The following LRP1B variants were observed in gnomAD, a reference collection of about 807,000 sequenced individuals.
LRP1B encodes low-density lipoprotein receptor-related protein 1B.
LRP1B carries 217 observed loss-of-function variants against 556.6 expected under a neutral mutation model. That is an observed-to-expected ratio of 0.39 (90% confidence interval 0.35 to 0.44). The LOEUF (loss-of-function observed/expected upper bound fraction) is 0.44, where lower values mean the gene tolerates loss of function less well. Among genes scored for constraint, LRP1B ranks in the 20% least tolerant of loss-of-function variants. The pLI is 1.00. For synonymous variants in LRP1B, 2,047 were observed against 1,865.8 expected, an observed-to-expected ratio of 1.10 and a Z score of -2.50; for missense variants, 5,053 against 5,620.8, an observed-to-expected ratio of 0.90 and a Z score of 3.23.
chr2:140,389,984 G>A lies in LRP1B; in HGVS notation c.10415-3975C>T, dbSNP rs569424084. The stretch of plus-strand genomic sequence containing the variant: ...TCTCTACTAAAAAACATGAAAATTA[G>A]CCAGGTGTGGTGGCATGTGCCTGCA... On this transcript the variant is annotated intron_variant, in intron 66 of 90. Transcript: ENST00000389484. 2.6e-5 allele frequency among the ~76,000 whole-genome samples: 4 copies of A among 152,016 alleles called. No homozygotes were observed. In the East Asian group the frequency reaches 7.8e-4, roughly 29 times the overall value.
chr2:141,216,312 C>T (rs1255749267), intron 6 of LRP1B, among the ~76,000 whole-genome samples: 1 of 152,222 alleles, frequency 6.6e-6, no homozygotes, highest in Non-Finnish European at 1.5e-5. Flanking sequence ...CCCACACTTG[C>T]AGAGAGTATA....
intron 3 of LRP1B, among the ~76,000 whole-genome samples, chr2:141,330,349 T>C (rs1419866968): frequency 1.0e-5 from 1 of 95,956 alleles, no homozygotes; most frequent in African/African-American, 5.0e-5. Flanking sequence ...CGATCTCACA[T>C]GTTAACAACT....
intron 2 of LRP1B, among the ~76,000 whole-genome samples, chr2:141,780,613 C>A (rs940008466): frequency 1.3e-5 from 2 of 152,132 alleles, no homozygotes; most frequent in Admixed American, 6.6e-5. Context: ...CTTGGAAGAG[C>A]TACACACAGC....
chr2:142,030,511 G>A (rs1402722272), intron 1 of LRP1B, among the ~76,000 whole-genome samples: 1 of 151,890 alleles, frequency 6.6e-6, no homozygotes, highest in South Asian at 2.1e-4. Context: ...ATGAAAATGA[G>A]ATAGCTGATA....
rs533014394 is a variant in LRP1B, at chr2:140,244,975, A to G, written c.13324+2111T>C. On this transcript the variant is annotated intron_variant, in intron 87 of 90. Transcript: ENST00000389484. ...TTTCATGGGAAAGGTCAGTTTAACTACCTTTTCCCTTCTTTCAGAGCTACT... is the reference window on the plus strand; with the variant it reads ...TTTCATGGGAAAGGTCAGTTTAACTGCCTTTTCCCTTCTTTCAGAGCTACT... Among the ~76,000 whole-genome samples the G allele has an allele frequency of 2.9e-3, 441 of 151,436 alleles. 1 individual carries two copies. The highest frequency in any genetic ancestry group is 0.01 in the African/African-American group (432 of 41,418).
At chr2:142,084,417 A>G (rs945404937) in intron 1 of LRP1B, among the ~76,000 whole-genome samples, 1 of 151,864 alleles carries the variant, frequency 6.6e-6, no homozygotes, top group African/African-American at 2.4e-5. Context: ...CTAGGTCTCC[A>G]CTCTTAATCA....
intron 63 of LRP1B, among the ~76,000 whole-genome samples, chr2:140,447,499 A>G (rs1443715922): frequency 1.3e-5 from 2 of 152,130 alleles, no homozygotes; most frequent in African/African-American, 2.4e-5. Context: ...ACAAAATTAA[A>G]TAAGAGTTAG....
chr2:141,337,802 T>A (rs963941379), intron 3 of LRP1B, among the ~76,000 whole-genome samples: 1 of 152,232 alleles, frequency 6.6e-6, no homozygotes, highest in African/African-American at 2.4e-5. Context: ...ACTTCAAGAA[T>A]GTTTATAATT....
intron 3 of LRP1B, among the ~76,000 whole-genome samples, chr2:141,442,422 ATTC>A (rs1427808849): frequency 3.2e-5 from 4 of 123,376 alleles, no homozygotes; most frequent in African/African-American, 1.3e-4. Context: ...ATCTTCACAC[ATTC>A]TTTTTTTTTT....
Position 141,898,119 on chromosome 2 carries a change from G to C in LRP1B, c.83-87718C>G, listed in dbSNP as rs557201685. 2.0e-5 allele frequency among the ~76,000 whole-genome samples: 3 copies of C among 152,222 alleles called. No individual in the cohort carries two copies. The East Asian group carries it at 5.8e-4, about 29-fold the overall frequency. ...TGCTTTCTCTCTTTCATTTCCACAT[G>C]ACACAAGTAGGATTTGTTCCCTTCT... is the stretch of plus-strand genomic sequence containing the variant. On this transcript the variant is annotated intron_variant, in intron 1 of 90. Transcript: ENST00000389484.
chr2:141,257,744 T>C (rs1684529756), intron 3 of LRP1B, among the ~76,000 whole-genome samples: 1 of 152,122 alleles, frequency 6.6e-6, no homozygotes, highest in Non-Finnish European at 1.5e-5. Context: ...TTAGGTGAAA[T>C]GGTAAATATT....
In LRP1B at chr2:140,442,512, G is replaced by A. The variant is rs1377112233; in HGVS notation, c.10406C>T (p.Ala3469Val). ...GAGTCACAGACACTCACCGCAGTTG[G>A]CCTCGTCTGATGCATCTGCACAGTC... ...DPDCADASDE[A>V]NCDKKTCGPH... The change falls in exon 66 of 91, where the codon GCC becomes GTC. Residue 3469 changes from alanine to valine, a missense_variant. By Grantham distance (64) the Ala-to-Val change is moderately conservative (BLOSUM62 0). Transcript: ENST00000389484. 1 of 1,612,378 alleles carries A rather than the reference G, an allele frequency of 6.2e-7. No homozygotes were observed. The highest frequency in any genetic ancestry group is 8.5e-7 in the Non-Finnish European group (1 of 1,179,260).
chr2:141,489,198 G>C (rs930922125), intron 2 of LRP1B, among the ~76,000 whole-genome samples: 2 of 144,188 alleles, frequency 1.4e-5, no homozygotes, highest in Non-Finnish European at 3.0e-5. Context: ...ACATTGCTCA[G>C]ACTGGTCTCA....
At chr2:141,149,532 C>T (rs1023074110) in intron 7 of LRP1B, among the ~76,000 whole-genome samples, 2 of 152,084 alleles carry the variant, frequency 1.3e-5, no homozygotes, top group Admixed American at 6.5e-5. Context: ...TCTTGTATTT[C>T]TATTCTACAA....
chr2:140,762,675 A>C (rs979907116), intron 35 of LRP1B, among the ~76,000 whole-genome samples: 2 of 152,114 alleles, frequency 1.3e-5, no homozygotes, highest in East Asian at 3.8e-4. Context: ...CCTTAGATAA[A>C]AATAAGGCCA....
intron 1 of LRP1B, among the ~76,000 whole-genome samples, chr2:141,995,152 C>T (rs890534969): frequency 6.6e-6 from 1 of 151,994 alleles, no homozygotes; most frequent in African/African-American, 2.4e-5. Flanking sequence ...AAACTTAGTG[C>T]ATTCAAGCAA....
intron 7 of LRP1B, among the ~76,000 whole-genome samples, chr2:141,174,480 G>A (rs1680649194): frequency 6.6e-6 from 1 of 152,022 alleles, no homozygotes; most frequent in Non-Finnish European, 1.5e-5. Flanking sequence ...ATGAAAGTAA[G>A]TTTTCATGAG....
chr2:140,369,674 A>AC (rs1682907821), intron 71 of LRP1B, among the ~76,000 whole-genome samples: 1 of 151,922 alleles, frequency 6.6e-6, no homozygotes, highest in Non-Finnish European at 1.5e-5. Flanking sequence ...AAAAAAAAAA[A>AC]ACTATTTTTT....
At chr2:141,080,293 G>T (rs1399399693) in intron 7 of LRP1B, among the ~76,000 whole-genome samples, 1 of 152,170 alleles carries the variant, frequency 6.6e-6, no homozygotes, top group East Asian at 1.9e-4. Flanking sequence ...GAAATTCCAA[G>T]TTCTGCTGTC....
Sources: allele counts gnomAD v4.1 joint callset (sites outside exome capture counted in the v4.1 genomes callset), GRCh38; gene constraint gnomAD v4.1.1; transcripts MANE v1.5; gene names NCBI Gene and HGNC (gene_info 2026-07-23, HGNC 2026-07-21).